The following GPC6 variants were observed in gnomAD, a reference collection of about 807,000 sequenced individuals.
GPC6 encodes glypican 6.
In GPC6, 14 loss-of-function variants were observed where a neutral mutation model predicts 55.2. The observed-to-expected ratio is 0.25, with a 90% CI of 0.17 to 0.40. The LOEUF (loss-of-function observed/expected upper bound fraction) is 0.40. GPC6 is among the 10% of genes least tolerant of loss of function. The probability of loss-of-function intolerance (pLI) is 1.00; values close to 1 mark genes in which losing one functional copy is unlikely to be tolerated. For synonymous variants in GPC6, 278 were observed against 259.6 expected (o/e 1.07, Z -0.68); for missense variants, 641 against 708.5 (o/e 0.90, Z 1.08).
intron 4 of GPC6, among the ~76,000 whole-genome samples, chr13:94,033,092 C>CT (rs983764524): frequency 5.9e-5 from 9 of 152,124 alleles, no homozygotes; most frequent in African/African-American, 1.4e-4. Flanking sequence ...ATAATGGACC[C>CT]AACTGTACAG....
chr13:94,316,665 C>T (rs1457679053), intron 6 of GPC6, among the ~76,000 whole-genome samples: 4 of 147,944 alleles, frequency 2.7e-5, no homozygotes, highest in East Asian at 3.9e-4. Flanking sequence ...TGCAGTGAGC[C>T]GAGATCCCGC....
intron 2 of GPC6, among the ~76,000 whole-genome samples, chr13:93,829,630 T>C (rs1175031484): frequency 2.0e-5 from 3 of 152,200 alleles, no homozygotes; most frequent in African/African-American, 7.2e-5. Context: ...TATCTGAACA[T>C]TGCTAATTGA....
rs373813419 is a variant in GPC6, at chr13:93,285,676, GCAGT to G, written c.160+58063_160+58066del. 2.7e-4 allele frequency among the ~76,000 whole-genome samples: 37 copies of G among 138,854 alleles called. No individual in the cohort carries two copies. In the East Asian group the frequency reaches 7.7e-3, roughly 29 times the overall value. The allele number at this position is 138,854 out of a possible 152,430, so 91.1% of individuals were successfully genotyped here. A position where few individuals can be genotyped will look rare whatever the true frequency, so the allele number is the denominator to read the frequency against. On this transcript the variant is annotated intron_variant, in intron 1 of 8. Transcript: ENST00000377047. ...TGTGTGTGTGTGTATGTGTTTGGTG[GCAGT>G]CAAACAACAGTAATAATAATTATAT...
At chr13:93,628,482 T>A (rs1331621218) in intron 2 of GPC6, among the ~76,000 whole-genome samples, 1 of 152,198 alleles carries the variant, frequency 6.6e-6, no homozygotes, top group Non-Finnish European at 1.5e-5. Flanking sequence ...AGGTTTCACT[T>A]GTAGCTGTGT....
At chr13:94,042,963 C>T (rs76469880) in intron 4 of GPC6, among the ~76,000 whole-genome samples, 2,596 of 151,814 alleles carry the variant, frequency 0.017, 35 homozygotes, top group Non-Finnish European at 0.024. Flanking sequence ...CATGGTCATT[C>T]GTTATATTCT....
At chr13:93,724,843 A>C (rs1484414937) in intron 2 of GPC6, among the ~76,000 whole-genome samples, 2 of 152,150 alleles carry the variant, frequency 1.3e-5, no homozygotes, top group African/African-American at 4.8e-5. Context: ...AGTATGATGA[A>C]AATCCATCCC....
intron 1 of GPC6, among the ~76,000 whole-genome samples, chr13:93,525,334 G>C (rs753613514): frequency 1.3e-5 from 2 of 151,988 alleles, no homozygotes; most frequent in African/African-American, 2.4e-5. Flanking sequence ...CCCCCCAAGA[G>C]GTAACTAAAG....
At chr13:93,702,301 T>C (rs1212750266) in intron 2 of GPC6, among the ~76,000 whole-genome samples, 1 of 152,080 alleles carries the variant, frequency 6.6e-6, no homozygotes, top group Non-Finnish European at 1.5e-5. Context: ...TCTTTTTTTT[T>C]CTAAATAGTA....
chr13:94,175,937 CAT>C (rs377560714), intron 4 of GPC6, among the ~76,000 whole-genome samples: 3,863 of 127,792 alleles, frequency 0.03, 159 homozygotes, highest in African/African-American at 0.097. Flanking sequence ...CCAAATGAGC[CAT>C]ATATATATAT....
At chr13:93,742,226 A>C (rs908487035) in intron 2 of GPC6, among the ~76,000 whole-genome samples, 14 of 152,228 alleles carry the variant, frequency 9.2e-5, no homozygotes, top group African/African-American at 3.4e-4. Context: ...AGATGGAAAT[A>C]TGATTCCATG....
At chr13:94,116,146 G>A (rs1443182430) in intron 4 of GPC6, among the ~76,000 whole-genome samples, 2 of 152,084 alleles carry the variant, frequency 1.3e-5, no homozygotes, top group Non-Finnish European at 2.9e-5. Context: ...AACAAATTGT[G>A]TTTACTGGGG....
chr13:93,837,064 G>C (rs1178082608), intron 3 of GPC6, among the ~76,000 whole-genome samples: 1 of 152,042 alleles, frequency 6.6e-6, no homozygotes, highest in Non-Finnish European at 1.5e-5. Context: ...GTATAGCCTA[G>C]GTATGTAAAT....
chr13:93,433,602 G>C (rs1247940979), intron 1 of GPC6, among the ~76,000 whole-genome samples: 1 of 152,088 alleles, frequency 6.6e-6, no homozygotes, highest in Non-Finnish European at 1.5e-5. Flanking sequence ...TACACGTGTA[G>C]AGAAAAATTT....
At chr13:94,015,405 A>G (rs1452601808) in intron 3 of GPC6, among the ~76,000 whole-genome samples, 1 of 152,088 alleles carries the variant, frequency 6.6e-6, no homozygotes, top group Non-Finnish European at 1.5e-5. Flanking sequence ...GGAGTTGTGT[A>G]TATGCTGGAT....
At chr13:93,771,629 G>A (rs1885298892) in intron 2 of GPC6, among the ~76,000 whole-genome samples, 1 of 151,964 alleles carries the variant, frequency 6.6e-6, no homozygotes, top group Non-Finnish European at 1.5e-5. Flanking sequence ...GCTAGATGAC[G>A]AGTTAGTGGG....
chr13:94,141,452 G>A (rs1198345626), intron 4 of GPC6, among the ~76,000 whole-genome samples: 3 of 152,102 alleles, frequency 2.0e-5, no homozygotes, highest in Non-Finnish European at 2.9e-5. Context: ...GTCATGAAGA[G>A]TCCATTTCGT....
chr13:94,353,917 C>T (rs151324126), intron 6 of GPC6, among the ~76,000 whole-genome samples: 10 of 151,942 alleles, frequency 6.6e-5, no homozygotes, highest in East Asian at 3.9e-4. Context: ...ACTCATGCCA[C>T]GAATCCAGTG....
intron 1 of GPC6, among the ~76,000 whole-genome samples, chr13:93,350,858 A>G (rs1421484584): frequency 6.6e-6 from 1 of 152,126 alleles, no homozygotes; most frequent in Non-Finnish European, 1.5e-5. Flanking sequence ...GGGTCTCACT[A>G]ATTTGTGAGT....
At chr13:93,892,173 G>A (rs954343105) in intron 3 of GPC6, among the ~76,000 whole-genome samples, 1 of 152,000 alleles carries the variant, frequency 6.6e-6, no homozygotes. Context: ...GTGTGTGTGG[G>A]ACAGATATAC....
Sources: allele counts gnomAD v4.1 joint callset (sites outside exome capture counted in the v4.1 genomes callset), GRCh38; gene constraint gnomAD v4.1.1; transcripts MANE v1.5; gene names NCBI Gene and HGNC (gene_info 2026-07-23, HGNC 2026-07-21).